Variants in LBHD1 observed in about 807,000 individuals in gnomAD.
LBHD1 encodes the protein LBH domain-containing protein 1.
A neutral mutation model predicts 31.1 loss-of-function variants in LBHD1; 28 were observed. The observed-to-expected ratio is 0.90, with a 90% CI of 0.67 to 1.24. The LOEUF is 1.24. Ranked by LOEUF, LBHD1 falls within the 50% of genes most tolerant of loss-of-function variation. The pLI, the probability that LBHD1 is intolerant of heterozygous loss-of-function variation, is 0.00. For missense variants in LBHD1, 350 were observed against 323.0 expected (o/e 1.08, Z -0.64); for synonymous variants, 105 against 116.5 (o/e 0.90, Z 0.63).
intron 1 of LBHD1, 95 bp from the exon 2 acceptor site, chr11:62,670,136 T>A: frequency 7.6e-7 from 1 of 1,307,332 alleles, no homozygotes; most frequent in Non-Finnish European, 1.0e-6. Context: ...CCTGGCCCCT[T>A]AAGCACCGAC....
intron 4 of LBHD1, chr11:62,665,323 T>C (rs981075906): frequency 1.4e-5 from 10 of 729,236 alleles, no homozygotes; most frequent in African/African-American, 3.5e-5. Context: ...TTTCGGAGGG[T>C]GGTGAGCTAG....
chr11:62,665,597 T>A, intron 4 of LBHD1: 1 of 1,565,624 alleles, frequency 6.4e-7, no homozygotes, highest in Non-Finnish European at 8.6e-7. Context: ...ACAACCGAGA[T>A]CCAGCTGGCT....
chr11:62,667,100 G>A lies in LBHD1; in HGVS notation c.538+423C>T, dbSNP rs575837186. The A allele has an allele frequency of 9.3e-6, 14 of 1,506,514 alleles. No individual in the cohort carries two copies. The South Asian group carries it at 1.7e-4, about 19-fold the overall frequency. The allele number at this position is 1,506,514 out of a possible 1,614,324, so 93.3% of individuals were successfully genotyped here. On this transcript the variant is annotated intron_variant, in intron 4 of 6. Transcript: ENST00000354588. ...TAGTATTTCTGTGGGCAAGGAGAGGGCTGAAGAACTGTCTTTGCAAGCTAT... is the reference window on the plus strand; with the variant it reads ...TAGTATTTCTGTGGGCAAGGAGAGGACTGAAGAACTGTCTTTGCAAGCTAT...
At chr11:62,669,460 A>G in intron 3 of LBHD1, 181 bp downstream of exon 3, 2 of 984,448 alleles carry the variant, frequency 2.0e-6, no homozygotes, top group Non-Finnish European at 2.4e-6. Flanking sequence ...CTGATACCAA[A>G]ACTGCTCTCT....
intron 5 of LBHD1, among the ~76,000 whole-genome samples, 178 bp from the exon 6 acceptor site, chr11:62,663,511 G>A (rs999664095): frequency 7.2e-5 from 11 of 151,964 alleles, no homozygotes; most frequent in African/African-American, 1.2e-4. Context: ...TCGAGACCAC[G>A]GTGAAACCCT....
At chr11:62,666,840 G>T (rs753195000) in intron 4 of LBHD1, 2 of 1,614,158 alleles carry the variant, frequency 1.2e-6, no homozygotes, top group Non-Finnish European at 1.7e-6. Flanking sequence ...GCTGTTGCCC[G>T]GGGAGGTCTG....
At chr11:62,663,587 G>C (rs928124298) in intron 5 of LBHD1, among the ~76,000 whole-genome samples, 1 of 151,794 alleles carries the variant, frequency 6.6e-6, no homozygotes, top group Non-Finnish European at 1.5e-5. Context: ...CCAGCTACTC[G>C]GGAGGCTGCG....
At chr11:62,664,323 ATTCTT>A (rs1239283013) in intron 5 of LBHD1, among the ~76,000 whole-genome samples, 476 of 124,044 alleles carry the variant, frequency 3.8e-3, no homozygotes, top group African/African-American at 0.014. Context: ...ATTTCCTGAT[ATTCTT>A]TTTTTTTTTT....
At chr11:62,665,675 C>T in intron 4 of LBHD1, 2 of 1,462,772 alleles carry the variant, frequency 1.4e-6, no homozygotes, top group Non-Finnish European at 1.8e-6. Flanking sequence ...CCCTCCTCCA[C>T]TTCCCGCTGC....
In LBHD1 at chr11:62,666,006, T is replaced by C. The variant is rs1401009485; in HGVS notation, c.539-1033A>G. ...TGGGGGCAGAGTGGGGAGGGTAAGG[T>C]GGGTTCCTCGTGAGTCAGGAGTGTA... On this transcript the variant is annotated intron_variant, in intron 4 of 6. Coordinates refer to ENST00000354588, the MANE Select transcript of LBHD1 (RefSeq NM_024099.5). The C allele has an allele frequency of 4.5e-6, 7 of 1,558,326 alleles. No individual in the cohort carries two copies. In the African/African-American group the frequency reaches 8.1e-5, roughly 18 times the overall value.
intron 4 of LBHD1, chr11:62,665,386 G>T: frequency 8.6e-7 from 1 of 1,164,136 alleles, no homozygotes; most frequent in Non-Finnish European, 1.2e-6. Flanking sequence ...AGTGGTGGGG[G>T]TGCCGGGTGG....
chr11:62,670,094 C>A lies in LBHD1; in HGVS notation c.-10-53G>T, dbSNP rs1392759311. On this transcript the variant is annotated intron_variant, in intron 1 of 6. Coordinates refer to ENST00000354588, the MANE Select transcript of LBHD1 (RefSeq NM_024099.5). ...AGGAGAGTACTGCTGCCCAGTGCAC[C>A]CCACAAACTGTTCCTTTAATCTTCT... is the stretch of plus-strand genomic sequence containing the variant. 4 of 1,513,502 alleles carry A rather than the reference C, an allele frequency of 2.6e-6. No homozygotes were observed. In the African/African-American group the frequency reaches 5.6e-5, roughly 21 times the overall value. The allele number at this position is 1,513,502 out of a possible 1,614,324, so 93.8% of individuals were successfully genotyped here.
chr11:62,667,090 C>A, intron 4 of LBHD1: 1 of 1,523,634 alleles, frequency 6.6e-7, no homozygotes, highest in Non-Finnish European at 8.8e-7. Flanking sequence ...TTTCTGTGGG[C>A]AAGGAGAGGG....
chr11:62,671,738 A>T lies in LBHD1; in HGVS notation c.-185T>A. ...CCCGTGGGCGCTCCGCTGGCTGTGC[A>T]GGCGGCCATGGATTCCTTGCGGAAA... On this transcript the variant is annotated 5_prime_UTR_variant, in exon 1 of 7. Transcript: ENST00000354588. 1 of 1,612,952 alleles carries T rather than the reference A, an allele frequency of 6.2e-7. No homozygotes were observed. Among genetic ancestry groups the T allele is most frequent in the Non-Finnish European group, 8.5e-7 (1 of 1,179,534 alleles).
intron 1 of LBHD1, 134 bp from the exon 2 acceptor site, chr11:62,670,175 G>C (rs489778): frequency 0.71 from 641,375 of 904,446 alleles, 230,707 homozygotes; most frequent in East Asian, 0.93. Flanking sequence ...GCTTTCAGGG[G>C]AGGGGAAAAT....
chr11:62,666,488 T>G (rs762579166), intron 4 of LBHD1: 31 of 1,613,860 alleles, frequency 1.9e-5, no homozygotes, highest in Non-Finnish European at 2.5e-5. Flanking sequence ...CTTCGACTGG[T>G]TCTTTGGATA....
chr11:62,671,600 C>A lies in LBHD1; in HGVS notation c.-47G>T. On this transcript the variant is annotated 5_prime_UTR_variant, in exon 1 of 7. It introduces an in-frame stop codon into an upstream open reading frame of the 5' UTR. Transcript: ENST00000354588. ...GCGCTCCGGATTCCAAACGTTTCCT[C>A]GAGCAGGTCCTCTCTAGCCGGCCGC... The A allele has an allele frequency of 6.7e-7, 1 of 1,484,208 alleles. No homozygotes were observed. Among genetic ancestry groups the A allele is most frequent in the South Asian group, 1.4e-5 (1 of 72,090 alleles). The allele number at this position is 1,484,208 out of a possible 1,614,324, so 91.9% of individuals were successfully genotyped here.
intron 1 of LBHD1, 179 bp from the exon 2 acceptor site, chr11:62,670,220 T>C: frequency 1.5e-6 from 1 of 655,608 alleles, no homozygotes; most frequent in Non-Finnish European, 2.5e-6. Flanking sequence ...TATTTCTACT[T>C]ACTCCCTGGA....
At chr11:62,670,431 T>C (rs1469993774) in intron 1 of LBHD1, 2 of 181,210 alleles carry the variant, frequency 1.1e-5, no homozygotes, top group African/African-American at 2.4e-5. Context: ...GCTTTACATA[T>C]AACTAATTTA....
Sources: allele counts gnomAD v4.1 joint callset (sites outside exome capture counted in the v4.1 genomes callset), GRCh38; gene constraint gnomAD v4.1.1; transcripts MANE v1.5; gene names NCBI Gene and HGNC (gene_info 2026-07-23, HGNC 2026-07-21).